Variants in ITGBL1 observed in about 807,000 individuals in gnomAD.
ITGBL1 encodes the protein integrin subunit beta like 1.
In ITGBL1, 51 loss-of-function variants were observed where a neutral mutation model predicts 68.5. The observed-to-expected ratio is 0.74, with a 90% CI of 0.59 to 0.94. The LOEUF (loss-of-function observed/expected upper bound fraction) is 0.94, where lower values mean the gene tolerates loss of function less well. Among genes scored for constraint, ITGBL1 ranks in the 40% least tolerant of loss-of-function variants. The probability of loss-of-function intolerance (pLI) is 0.00; values close to 1 mark genes in which losing one functional copy is unlikely to be tolerated. For synonymous variants in ITGBL1, 209 were observed against 227.3 expected, an observed-to-expected ratio of 0.92 and a Z score of 0.72; for missense variants, 649 against 647.4, an observed-to-expected ratio of 1.00 and a Z score of -0.03.
rs2033900693 is a variant in ITGBL1 at position 101,692,434 on chromosome 13, G to A, written c.1016-151G>A. 1.7e-5 allele frequency: 10 copies of A among 586,226 alleles called. No individual in the cohort carries two copies. The East Asian group carries it at 2.5e-4, about 15-fold the overall frequency. 36.3% of individuals were successfully genotyped at this position (586,226 alleles called of 1,614,324 possible). ...TTCTTGAACTTCAGCTTACCTTAGG[G>A]AGGTTGGAAATGTGTATTTGTGTAA... On this transcript the variant is annotated intron_variant, in intron 7 of 10. Transcript: ENST00000376180.
intron 2 of ITGBL1, among the ~76,000 whole-genome samples, chr13:101,532,241 T>G (rs2049496009): frequency 6.6e-6 from 1 of 152,222 alleles, no homozygotes; most frequent in Admixed American, 6.5e-5. Flanking sequence ...AAAATCATTT[T>G]CAGTAATTCT....
chr13:101,664,701 T>C (rs2033170953), intron 7 of ITGBL1, among the ~76,000 whole-genome samples: 1 of 152,184 alleles, frequency 6.6e-6, no homozygotes, highest in Admixed American at 6.5e-5. Flanking sequence ...TTTGCCTATT[T>C]GTCTGATCTT....
At chr13:101,595,485 C>G (rs574410882) in intron 6 of ITGBL1, among the ~76,000 whole-genome samples, 1 of 149,836 alleles carries the variant, frequency 6.7e-6, no homozygotes, top group East Asian at 2.0e-4. Flanking sequence ...CTATATCTAA[C>G]TCATACAACT....
chr13:101,582,813 G>A (rs942726222), intron 5 of ITGBL1, among the ~76,000 whole-genome samples: 5 of 151,932 alleles, frequency 3.3e-5, no homozygotes, highest in African/African-American at 1.2e-4. Flanking sequence ...AATTCTTAGA[G>A]CATTCATGTC....
rs189146283 is a variant in ITGBL1 at position 101,468,308 on chromosome 13, G to T, written c.316+14208G>T. Among the ~76,000 whole-genome samples the T allele has an allele frequency of 5.2e-3, 787 of 152,300 alleles. 7 individuals are homozygous for T. The highest frequency in any genetic ancestry group is 5.0e-3 in the Non-Finnish European group (340 of 68,022). On this transcript the variant is annotated intron_variant, in intron 2 of 10. Transcript: ENST00000376180. ...CTCGAGAGACTTCTCTCAGTTGCCT[G>T]TTTGGATAATTTTAAGCCTTGAAAT...
intron 2 of ITGBL1, among the ~76,000 whole-genome samples, chr13:101,502,133 C>A (rs143434367): frequency 6.6e-6 from 1 of 152,092 alleles, no homozygotes; most frequent in Admixed American, 6.5e-5. Context: ...TTAAAAAAAA[C>A]AACTAATGCT....
chr13:101,599,533 T>A (rs1261330080), intron 7 of ITGBL1, among the ~76,000 whole-genome samples: 8 of 152,232 alleles, frequency 5.3e-5, no homozygotes, highest in South Asian at 2.1e-4. Context: ...CTGAATGGTA[T>A]TGCCTAGGTT....
At chr13:101,718,944 G>A (rs1228120184), downstream of ITGBL1, 1 of 151,956 alleles carries the variant, frequency 6.6e-6, no homozygotes, top group East Asian at 1.9e-4. Context: ...GTAAGACCAT[G>A]TACATCCTGG....
intron 6 of ITGBL1, among the ~76,000 whole-genome samples, chr13:101,588,062 T>TTGGATAGCA (rs1168221244): frequency 6.6e-6 from 1 of 152,182 alleles, no homozygotes; most frequent in South Asian, 2.1e-4. Flanking sequence ...TTTCTGGAGT[T>TTGGATAGCA]TGGATAGCAT....
chr13:101,498,577 T>C (rs1447916301), intron 2 of ITGBL1, among the ~76,000 whole-genome samples: 1 of 152,176 alleles, frequency 6.6e-6, no homozygotes, highest in African/African-American at 2.4e-5. Context: ...TTTATGATTT[T>C]ATGAAGAAAA....
intron 6 of ITGBL1, among the ~76,000 whole-genome samples, chr13:101,592,592 A>G (rs965553965): frequency 6.6e-6 from 1 of 152,116 alleles, no homozygotes; most frequent in African/African-American, 2.4e-5. Context: ...AAGGTGATCT[A>G]CAGATTCGTT....
At chr13:101,491,612 GCTTT>G (rs555603129) in intron 2 of ITGBL1, among the ~76,000 whole-genome samples, 344 of 151,120 alleles carry the variant, frequency 2.3e-3, no homozygotes, top group Middle Eastern at 0.01. Context: ...GATGAGCATT[GCTTT>G]CTTTTTCTTT....
intron 7 of ITGBL1, among the ~76,000 whole-genome samples, chr13:101,612,208 G>A (rs556975951): frequency 1.3e-5 from 2 of 152,242 alleles, no homozygotes; most frequent in Non-Finnish European, 2.9e-5. Flanking sequence ...TGTGGATGTT[G>A]GTAAATAATA....
chr13:101,467,591 T>C (rs753613694), intron 2 of ITGBL1, among the ~76,000 whole-genome samples: 24 of 152,192 alleles, frequency 1.6e-4, no homozygotes, highest in Non-Finnish European at 3.1e-4. Context: ...GAAGTCATTC[T>C]CCTGTCTACT....
At position 101,715,715 on chromosome 13, in the gene ITGBL1, G is replaced by T. The variant is rs1427490901; in HGVS notation, c.*61G>T. 3 of 1,057,602 alleles carry T rather than the reference G, an allele frequency of 2.8e-6. No individual in the cohort carries two copies. The highest frequency in any genetic ancestry group is 1.3e-5 in the South Asian group (1 of 79,384). The allele number at this position is 1,057,602 out of a possible 1,614,324, so 65.5% of individuals were successfully genotyped here. On this transcript the variant is annotated 3_prime_UTR_variant, in exon 11 of 11. Transcript: ENST00000376180. ...CTGGGCCATTAGAACAGATAAATGCGAAGGAAACCATGTATATTCACCACT... is the reference window on the plus strand; with the variant it reads ...CTGGGCCATTAGAACAGATAAATGCTAAGGAAACCATGTATATTCACCACT...
chr13:101,605,618 A>G (rs1464138547), intron 7 of ITGBL1, among the ~76,000 whole-genome samples: 2 of 148,790 alleles, frequency 1.3e-5, no homozygotes, highest in Admixed American at 1.4e-4. Flanking sequence ...GCGTATATAT[A>G]TACACGTATG....
chr13:101,557,408 G>T (rs993693899), intron 2 of ITGBL1, among the ~76,000 whole-genome samples: 1 of 152,088 alleles, frequency 6.6e-6, no homozygotes, highest in Non-Finnish European at 1.5e-5. Context: ...TGTGCATGTC[G>T]TTCTTCATTT....
intron 2 of ITGBL1, among the ~76,000 whole-genome samples, chr13:101,508,334 A>T (rs533619236): frequency 6.6e-6 from 1 of 152,306 alleles, no homozygotes; most frequent in South Asian, 2.1e-4. Flanking sequence ...AGTTTACTAT[A>T]AACACTGCAT....
At chr13:101,579,179 C>A in intron 4 of ITGBL1, 108 bp from the exon 5 acceptor site, 2 of 1,132,152 alleles carry the variant, frequency 1.8e-6, no homozygotes, top group Non-Finnish European at 2.6e-6. Context: ...GAATGTGGAG[C>A]TGTGACAGTA....
Sources: gnomAD v4.1 joint callset for allele counts (sites outside exome capture counted in the v4.1 genomes callset) on GRCh38, gnomAD v4.1.1 for gene constraint, MANE v1.5 for transcripts, NCBI Gene and HGNC (gene_info 2026-07-23, HGNC 2026-07-21) for gene names.